Variants in GAL3ST1 observed in about 807,000 individuals in gnomAD.
The protein encoded by GAL3ST1 is galactose-3-O-sulfotransferase 1.
GAL3ST1 carries 13 observed loss-of-function variants against 25.0 expected under a neutral mutation model. The ratio of observed to expected loss-of-function variants is 0.52; its 90% CI spans 0.34 to 0.83. GAL3ST1 has a LOEUF of 0.83. Among genes scored for constraint, GAL3ST1 ranks in the 40% least tolerant of loss-of-function variants. The probability of loss-of-function intolerance (pLI) is 0.02; values close to 1 mark genes in which losing one functional copy is unlikely to be tolerated. For missense variants in GAL3ST1, 474 were observed against 613.6 expected, an observed-to-expected ratio of 0.77 and a Z score of 2.40; for synonymous variants, 274 against 277.8, an observed-to-expected ratio of 0.99 and a Z score of 0.14.
rs2085986629 is a variant in GAL3ST1, at chr22:30,555,877, G to T, written c.348C>A (p.Asp116Glu). The change falls in exon 4 of 4, where the codon GAC becomes GAA. Residue 116 changes from aspartate (D) to glutamate (E), a missense_variant. This residue lies in a region of GAL3ST1 where 359 missense variants were observed against 504.4 expected (regional missense o/e 0.71). Transcript: ENST00000406361. This position sits in a 1 kb window ranked among gnomAD's most constrained non-coding sequence, Gnocchi z 8.6. Reference sequence around the variant, plus strand: ...GGCTGCGGGCGAAGAAGGTCGGGTAGTCGAAGTCATTGCGGCCGTTAGGGA... The same window carrying T: ...GGCTGCGGGCGAAGAAGGTCGGGTATTCGAAGTCATTGCGGCCGTTAGGGA... Reference protein sequence around the residue: ...FAFPNGRNDFDYPTFFARSLV... With the variant: ...FAFPNGRNDFEYPTFFARSLV... 6.2e-7 allele frequency: 1 copy of T among 1,614,088 alleles called. No homozygotes were observed. Among genetic ancestry groups the T allele is most frequent in the Non-Finnish European group, 8.5e-7 (1 of 1,180,030 alleles).
At chr22:30,568,824 C>T (rs771930811) in intron 1 of GAL3ST1, among the ~76,000 whole-genome samples, 1 of 152,094 alleles carries the variant, frequency 6.6e-6, no homozygotes, top group East Asian at 1.9e-4. Context: ...GCCTGTAATA[C>T]CAGCACTTTG....
chr22:30,564,510 G>A, intron 1 of GAL3ST1, among the ~76,000 whole-genome samples: 1 of 152,126 alleles, frequency 6.6e-6, no homozygotes, highest in South Asian at 2.1e-4. Context: ...ACAACTGCAG[G>A]CACTCAGGAT....
At position 30,555,204 on chromosome 22, in the gene GAL3ST1, T is replaced by A. The variant is rs1025369933; in HGVS notation, c.1021A>T (p.Met341Leu). Residue 341 changes from methionine (M) to leucine (L), a missense_variant, in exon 4 of 4, where the codon ATG (methionine) becomes TTG (leucine). This residue lies in a region of GAL3ST1 where 359 missense variants were observed against 504.4 expected (regional missense o/e 0.71). Transcript: ENST00000406361. The surrounding 1 kb of genome is among the most constrained non-coding windows in gnomAD (Gnocchi z 8.6). ...CCCCCGTCGATGCAGATGGTCCGCA[T>A]GCGCTCGTTGGCATGGCGCAGGGCG... ...VAALRHANER[M>L]RTICIDGGHA... The A allele has an allele frequency of 6.3e-7, 1 of 1,599,692 alleles. No individual in the cohort carries two copies. Among genetic ancestry groups the A allele is most frequent in the African/African-American group, 1.3e-5 (1 of 74,772 alleles).
chr22:30,568,360 T>C (rs1601977888), intron 1 of GAL3ST1, among the ~76,000 whole-genome samples: 1 of 152,352 alleles, frequency 6.6e-6, no homozygotes, highest in African/African-American at 2.4e-5. Flanking sequence ...AACTGGGTCC[T>C]GGCCAATGAT....
chr22:30,554,894 T>G lies in GAL3ST1; in HGVS notation c.*59A>C, dbSNP rs1306453713. 2 of 1,342,436 alleles carry G rather than the reference T, an allele frequency of 1.5e-6. No homozygotes were observed. 83.2% of individuals were successfully genotyped at this position (1,342,436 alleles called of 1,614,324 possible). A position where few individuals can be genotyped will look rare whatever the true frequency, so the allele number is the denominator to read the frequency against. The stretch of plus-strand genomic sequence containing the variant: ...CTGGGGGCGGCCAGCACCAGCGGCG[T>G]CCTGCTCAGCCCCTCTGCAGGGAGC... On this transcript the variant is annotated 3_prime_UTR_variant, in exon 4 of 4. Coordinates refer to ENST00000406361, the MANE Select transcript of GAL3ST1 (RefSeq NM_001318104.2).
At chr22:30,561,491 G>T (rs929168538) in intron 1 of GAL3ST1, among the ~76,000 whole-genome samples, 1 of 152,226 alleles carries the variant, frequency 6.6e-6, no homozygotes, top group Non-Finnish European at 1.5e-5. Flanking sequence ...GGTTCCAGGA[G>T]GTGACATAAC....
intron 1 of GAL3ST1, among the ~76,000 whole-genome samples, chr22:30,562,302 C>T (rs149790550): frequency 1.1e-4 from 16 of 152,168 alleles, no homozygotes; most frequent in East Asian, 9.7e-4. Context: ...GTGAATTTCC[C>T]ACCTCGGCCG....
intron 1 of GAL3ST1, among the ~76,000 whole-genome samples, chr22:30,567,658 C>A (rs1445910177): frequency 2.0e-5 from 3 of 151,894 alleles, no homozygotes; most frequent in African/African-American, 4.8e-5. Context: ...CTTGCAGCCA[C>A]GATAGTTTTT....
At chr22:30,556,172 TA>T in intron 3 of GAL3ST1, 79 bp from the exon 4 acceptor site, 1 of 1,180,760 alleles carries the variant, frequency 8.5e-7, no homozygotes, top group African/African-American at 1.5e-5. Context: ...AGAGGGAGAT[TA>T]TTGGGAACAG....
chr22:30,564,164 A>G (rs979353702), intron 1 of GAL3ST1, among the ~76,000 whole-genome samples: 1 of 152,176 alleles, frequency 6.6e-6, no homozygotes, highest in African/African-American at 2.4e-5. Flanking sequence ...TGCATTCCAC[A>G]GGGAAAGCAC....
Position 30,555,202 on chromosome 22 carries a change from C to T in GAL3ST1, c.1023G>A (p.Met341Ile). 6.3e-7 allele frequency: 1 copy of T among 1,599,930 alleles called. No homozygotes were observed. The highest frequency in any genetic ancestry group is 8.5e-7 in the Non-Finnish European group (1 of 1,175,956). Residue 341 changes from methionine (M) to isoleucine (I), a missense_variant, in exon 4 of 4, where the codon ATG becomes ATA. By Grantham distance (10) the Met-to-Ile change is conservative. Transcript: ENST00000406361. This position sits in a 1 kb window ranked among gnomAD's most constrained non-coding sequence, Gnocchi z 8.6. ...GGCCCCCGTCGATGCAGATGGTCCG[C>T]ATGCGCTCGTTGGCATGGCGCAGGG... ...VAALRHANER[M>I]RTICIDGGHA...
At position 30,555,842 on chromosome 22, in the gene GAL3ST1, T is replaced by C. The variant is rs2085983793; in HGVS notation, c.383A>G (p.Asp128Gly). ...PTFFARSLVQ[D>G]YRPGACFNII... ...GTTGAAGCAGGCCCCGGGCCGATAG[T>C]CCTGCACCAGGCTGCGGGCGAAGAA... The change falls in exon 4 of 4, where the codon GAC (aspartate) becomes GGC (glycine). Residue 128 changes from aspartate (D) to glycine (G), a missense_variant. Coordinates refer to ENST00000406361, the MANE Select transcript of GAL3ST1 (RefSeq NM_001318104.2). The surrounding 1 kb of genome is among the most constrained non-coding windows in gnomAD (Gnocchi z 8.6). The C allele has an allele frequency of 6.2e-7, 1 of 1,614,132 alleles. No homozygotes were observed. The highest frequency in any genetic ancestry group is 8.5e-7 in the Non-Finnish European group (1 of 1,180,026).
intron 1 of GAL3ST1, chr22:30,565,197 T>A (rs11704774): frequency 0.044 from 6,634 of 152,362 alleles, 221 homozygotes; most frequent in Non-Finnish European, 0.067. Flanking sequence ...GAACAGGCTC[T>A]AAGGCTGAGT....
At chr22:30,569,753 T>C (rs1332439251) in intron 1 of GAL3ST1, among the ~76,000 whole-genome samples, 2 of 152,162 alleles carry the variant, frequency 1.3e-5, no homozygotes, top group African/African-American at 4.8e-5. Flanking sequence ...ACAGGGCAGC[T>C]AGGGCTGTAT....
At chr22:30,557,198 C>A in intron 3 of GAL3ST1, 64 bp downstream of exon 3, 4 of 1,562,732 alleles carry the variant, frequency 2.6e-6, no homozygotes, top group Non-Finnish European at 3.5e-6. Flanking sequence ...ATTACAGGGC[C>A]CCATGGGTGG....
At chr22:30,569,068 T>C (rs1601979319) in intron 1 of GAL3ST1, among the ~76,000 whole-genome samples, 2 of 107,234 alleles carry the variant, frequency 1.9e-5, no homozygotes, top group African/African-American at 7.7e-5. Context: ...AGAGCGAGAC[T>C]CCATCTCAAA....
intron 1 of GAL3ST1, chr22:30,566,081 T>C (rs2086611930): frequency 6.6e-6 from 1 of 152,260 alleles, no homozygotes; most frequent in South Asian, 2.1e-4. Context: ...GCCTCACCAG[T>C]CTGGGAGCAG....
chr22:30,574,643 C>G lies in GAL3ST1; in HGVS notation c.-297G>C, dbSNP rs1251142294. On this transcript the variant is annotated 5_prime_UTR_variant, in exon 1 of 4. Coordinates refer to ENST00000406361, the MANE Select transcript of GAL3ST1 (RefSeq NM_001318104.2). The stretch of plus-strand genomic sequence containing the variant: ...CCCGCTCCCGCGCCGCGCCCGCTCC[C>G]GGCCAGGTGCCGCCGCCAGCCTGGC... The G allele has an allele frequency of 6.8e-6, 1 of 146,194 alleles. No homozygotes were observed. Among genetic ancestry groups the G allele is most frequent in the Admixed American group, 6.8e-5 (1 of 14,746 alleles). 9.1% of individuals were successfully genotyped at this position (146,194 alleles called of 1,614,324 possible).
rs144504047 is a variant in GAL3ST1, at chr22:30,560,584, G to A, written c.-119-2196C>T. Among the ~76,000 whole-genome samples, 411 of 152,162 alleles carry A rather than the reference G, an allele frequency of 2.7e-3. 4 individuals carry two copies. The highest frequency in any genetic ancestry group is 9.3e-3 in the African/African-American group (387 of 41,518). The stretch of plus-strand genomic sequence containing the variant: ...CCCTGTCAGCCTCCCACTTCTCAGC[G>A]ACCCAGCAGAAAACAGGGCAGAGTC... On this transcript the variant is annotated intron_variant, in intron 1 of 3. Coordinates refer to ENST00000406361, the MANE Select transcript of GAL3ST1 (RefSeq NM_001318104.2).
Sources: allele counts gnomAD v4.1 joint callset (sites outside exome capture counted in the v4.1 genomes callset), GRCh38; gene constraint gnomAD v4.1.1; regional missense constraint gnomAD v4.1.1; non-coding constraint Gnocchi (gnomAD v3.1); transcripts MANE v1.5; gene names NCBI Gene and HGNC (gene_info 2026-07-23, HGNC 2026-07-21).